The following UGGT2 variants were observed in gnomAD, a reference collection of about 807,000 sequenced individuals.
The protein encoded by UGGT2 is UDP-glucose:glycoprotein glucosyltransferase 2.
A neutral mutation model predicts 192.1 loss-of-function variants in UGGT2; 180 were observed. That is an observed-to-expected ratio of 0.94 (90% CI 0.83 to 1.06). UGGT2 has a LOEUF of 1.06. Ranked by LOEUF, UGGT2 falls within the 50% of genes least tolerant of loss-of-function variation. The probability of loss-of-function intolerance (pLI) is 0.00; values close to 1 mark genes in which losing one functional copy is unlikely to be tolerated. For synonymous variants in UGGT2, 580 were observed against 591.0 expected, an observed-to-expected ratio of 0.98 and a Z score of 0.27; for missense variants, 1,849 against 1,795.7, an observed-to-expected ratio of 1.03 and a Z score of -0.54.
intron 10 of UGGT2, among the ~76,000 whole-genome samples, chr13:95,976,960 T>C (rs919253396): frequency 5.9e-5 from 9 of 152,328 alleles, no homozygotes; most frequent in Admixed American, 2.0e-4. Context: ...AAGGATTCCC[T>C]ATTTAATAAA....
intron 11 of UGGT2, among the ~76,000 whole-genome samples, chr13:95,970,783 C>T (rs1017254715): frequency 6.6e-5 from 10 of 152,126 alleles, no homozygotes; most frequent in Admixed American, 3.9e-4. Context: ...TCAACAATAA[C>T]CCCATTGACA....
chr13:95,801,868 A>C, intron 38 of UGGT2, 56 bp from the exon 39 acceptor site: 1 of 1,598,322 alleles, frequency 6.3e-7, no homozygotes, highest in Middle Eastern at 1.7e-4. Flanking sequence ...AAAATATCTT[A>C]AATATTACTT....
At chr13:95,904,796 T>A (rs1311570375) in intron 20 of UGGT2, among the ~76,000 whole-genome samples, 1 of 152,100 alleles carries the variant, frequency 6.6e-6, no homozygotes, top group Non-Finnish European at 1.5e-5. Flanking sequence ...TTTATAGTCC[T>A]TTGGGTATAT....
In UGGT2 at chr13:95,939,968, C is replaced by G. The variant is rs144637958; in HGVS notation, c.1801G>C (p.Glu601Gln). Residue 601 changes from glutamate (E) to glutamine (Q), a missense_variant, in exon 16 of 39, where the codon GAA (glutamate) becomes CAA (glutamine). Glu to Gln is a conservative substitution (Grantham distance 29). Coordinates refer to ENST00000376747, the MANE Select transcript of UGGT2 (RefSeq NM_020121.4). ...DILGIHSKYDEERKAGASFYK... is the reference protein window; with the variant it reads ...DILGIHSKYDQERKAGASFYK... ...ATGTCCCAACTTACCTTTCTTTCTT[C>G]ATCATATTTAGAATGAATTCCCAAA... The G allele has an allele frequency of 6.3e-7, 1 of 1,597,572 alleles. No individual in the cohort carries two copies. Among genetic ancestry groups the G allele is most frequent in the African/African-American group, 1.4e-5 (1 of 73,774 alleles).
intron 8 of UGGT2, among the ~76,000 whole-genome samples, chr13:95,988,044 A>C (rs917130343): frequency 6.6e-6 from 1 of 152,070 alleles, no homozygotes; most frequent in African/African-American, 2.4e-5. Flanking sequence ...CCCTCGGGGT[A>C]CTACTGCTGT....
At chr13:95,840,382 G>C (rs1327029158) in intron 36 of UGGT2, among the ~76,000 whole-genome samples, 1 of 152,116 alleles carries the variant, frequency 6.6e-6, no homozygotes, top group Admixed American at 6.5e-5. Context: ...AGTGGGCGAA[G>C]AATATGAACA....
At chr13:95,863,538 CCTTA>C in intron 31 of UGGT2, 87 bp downstream of exon 31, 2 of 978,724 alleles carry the variant, frequency 2.0e-6, no homozygotes, top group Non-Finnish European at 3.2e-6. Flanking sequence ...AGGACCTTTG[CCTTA>C]CTTAAATTTT....
intron 12 of UGGT2, among the ~76,000 whole-genome samples, chr13:95,963,174 A>T (rs1376485467): frequency 6.6e-6 from 1 of 152,184 alleles, no homozygotes; most frequent in African/African-American, 2.4e-5. Flanking sequence ...TAGTAAGCCA[A>T]ATCCAAAAGC....
chr13:95,912,269 T>C (rs1040441813), intron 20 of UGGT2, among the ~76,000 whole-genome samples: 2 of 152,176 alleles, frequency 1.3e-5, no homozygotes, highest in African/African-American at 4.8e-5. Flanking sequence ...ATAAAGGGTG[T>C]TCAATTAGAA....
chr13:95,879,282 T>C (rs1388245644), intron 27 of UGGT2, among the ~76,000 whole-genome samples: 3 of 152,232 alleles, frequency 2.0e-5, no homozygotes, highest in African/African-American at 7.2e-5. Flanking sequence ...TATATATTTA[T>C]ATAACAGACT....
chr13:95,943,943 C>T (rs995657234), intron 15 of UGGT2, among the ~76,000 whole-genome samples: 1 of 151,892 alleles, frequency 6.6e-6, no homozygotes, highest in Non-Finnish European at 1.5e-5. Context: ...GTTCGCTAAA[C>T]ATTTTGTTTC....
chr13:95,889,818 C>T (rs887114935), intron 25 of UGGT2, among the ~76,000 whole-genome samples: 1 of 152,180 alleles, frequency 6.6e-6, no homozygotes, highest in East Asian at 1.9e-4. Flanking sequence ...TTCAGTGTAG[C>T]CAGCCTGCGG....
chr13:95,916,957 A>C (rs2048699616), intron 20 of UGGT2, among the ~76,000 whole-genome samples: 1 of 152,168 alleles, frequency 6.6e-6, no homozygotes, highest in Non-Finnish European at 1.5e-5. Context: ...AACAGAACCA[A>C]GTTGAAAAAC....
At chr13:95,839,086 T>C (rs1311334572) in intron 36 of UGGT2, among the ~76,000 whole-genome samples, 1 of 152,120 alleles carries the variant, frequency 6.6e-6, no homozygotes, top group African/African-American at 2.4e-5. Context: ...CCTGATTAAA[T>C]CTCAATCTCT....
intron 5 of UGGT2, among the ~76,000 whole-genome samples, chr13:96,007,888 A>G (rs1013017336): frequency 3.9e-5 from 6 of 152,228 alleles, no homozygotes; most frequent in African/African-American, 1.4e-4. Context: ...GTAAATCTAC[A>G]CATTTGGAAC....
intron 20 of UGGT2, among the ~76,000 whole-genome samples, chr13:95,909,912 C>G (rs1282043385): frequency 6.6e-6 from 1 of 151,042 alleles, no homozygotes; most frequent in Non-Finnish European, 1.5e-5. Flanking sequence ...ACCCTACAAG[C>G]CAGAAGAGAG....
chr13:95,986,356 T>C lies in UGGT2; in HGVS notation c.1008A>G (p.Ser336=), dbSNP rs1234585247. The change falls in exon 9 of 39, where the codon TCA becomes TCG. Residue 336 remains serine, a synonymous_variant. Coordinates refer to ENST00000376747, the MANE Select transcript of UGGT2 (RefSeq NM_020121.4). ...ACCTGGCTTTTATGGGGAAGTTCTG[T>C]GAAATGTCTTTCATTAATTTAATGG... ...YDSIKLMKDI[S]QNFPIKARSL... The C allele has an allele frequency of 6.2e-7, 1 of 1,601,834 alleles. No homozygotes were observed.
chr13:96,046,687 A>G (rs2053320791), intron 1 of UGGT2, among the ~76,000 whole-genome samples: 1 of 152,236 alleles, frequency 6.6e-6, no homozygotes, highest in Admixed American at 6.5e-5. Flanking sequence ...TCACCCGGAA[A>G]GTGCAAGAGG....
At chr13:95,901,052 T>G (rs1265918916) in intron 21 of UGGT2, 114 bp from the exon 22 acceptor site, 1 of 782,784 alleles carries the variant, frequency 1.3e-6, no homozygotes, top group Non-Finnish European at 1.7e-6. Context: ...TTCAAAATCA[T>G]TATTTGGTAT....
Sources: allele counts gnomAD v4.1 joint callset (sites outside exome capture counted in the v4.1 genomes callset), GRCh38; gene constraint gnomAD v4.1.1; transcripts MANE v1.5; gene names NCBI Gene and HGNC (gene_info 2026-07-23, HGNC 2026-07-21).